Variants in PAK1 observed in about 807,000 individuals in gnomAD.
The protein encoded by PAK1 is p21 (RAC1) activated kinase 1, also known as serine/threonine-protein kinase PAK 1.
PAK1 carries 29 observed loss-of-function variants against 67.4 expected under a neutral mutation model. The ratio of observed to expected loss-of-function variants is 0.43; its 90% confidence interval spans 0.32 to 0.59. The LOEUF is 0.59. PAK1 is among the 20% of genes least tolerant of loss of function. The probability of loss-of-function intolerance (pLI) is 0.07; values close to 1 mark genes in which losing one functional copy is unlikely to be tolerated. For synonymous variants in PAK1, 223 were observed against 237.4 expected, an observed-to-expected ratio of 0.94 and a Z score of 0.56; for missense variants, 337 against 670.7, an observed-to-expected ratio of 0.50 and a Z score of 5.50.
At chr11:77,483,476 T>C in the PAK1 span, among the ~76,000 whole-genome samples, 1 of 152,228 alleles carries the variant, frequency 6.6e-6, no homozygotes, top group Non-Finnish European at 1.5e-5. Context: ...AATGATTCCA[T>C]TTACATGAAA....
the PAK1 span, among the ~76,000 whole-genome samples, chr11:77,513,804 G>A: frequency 6.6e-6 from 1 of 151,764 alleles, no homozygotes; most frequent in Non-Finnish European, 1.5e-5. Context: ...TTGAAGGAAG[G>A]CCTGCCTGCT....
In PAK1 at chr11:77,353,500, G is replaced by A. The variant is rs756582566; in HGVS notation, c.836+36C>T. The stretch of plus-strand genomic sequence containing the variant: ...TATATGCCGGCACACACACTTTAAA[G>A]TCATTTCTCCAGGGAAAGAAAATGC... On this transcript the variant is annotated intron_variant, in intron 8 of 14. Transcript: ENST00000356341. 31 of 1,470,864 alleles carry A rather than the reference G, an allele frequency of 2.1e-5. 1 individual carries two copies. Among genetic ancestry groups the A allele is most frequent in the South Asian group, 1.8e-4 (16 of 87,522 alleles). The allele number at this position is 1,470,864 out of a possible 1,614,324, so 91.1% of individuals were successfully genotyped here. A position where few individuals can be genotyped will look rare whatever the true frequency, so the allele number is the denominator to read the frequency against.
the PAK1 span, among the ~76,000 whole-genome samples, chr11:77,520,810 G>GT: frequency 6.6e-6 from 1 of 152,120 alleles, no homozygotes; most frequent in Non-Finnish European, 1.5e-5. Context: ...GGCATCCCTG[G>GT]TTTCTTTCTC....
chr11:77,326,705 C>T (rs144917141), intron 14 of PAK1, among the ~76,000 whole-genome samples: 1 of 152,102 alleles, frequency 6.6e-6, no homozygotes, highest in East Asian at 1.9e-4. Flanking sequence ...AGCAGAAAAA[C>T]TGGAAACTCT....
chr11:77,389,887 A>G (rs907758280), intron 2 of PAK1, among the ~76,000 whole-genome samples: 9 of 152,200 alleles, frequency 5.9e-5, no homozygotes, highest in African/African-American at 2.2e-4. Flanking sequence ...GAATCTTATT[A>G]CCTTTCTAGT....
At chr11:77,516,992 TG>T in the PAK1 span, among the ~76,000 whole-genome samples, 1 of 151,608 alleles carries the variant, frequency 6.6e-6, no homozygotes, top group Non-Finnish European at 1.5e-5. Context: ...GGTGACAGAG[TG>T]AGACCCTGTC....
intron 1 of PAK1, among the ~76,000 whole-genome samples, chr11:77,403,978 G>A (rs1302857568): frequency 6.6e-6 from 1 of 152,100 alleles, no homozygotes; most frequent in Non-Finnish European, 1.5e-5. Context: ...TCAAAAGGAT[G>A]AGTTCACCCC....
At chr11:77,327,447 T>C (rs955892460) in intron 14 of PAK1, among the ~76,000 whole-genome samples, 1 of 152,136 alleles carries the variant, frequency 6.6e-6, no homozygotes, top group Non-Finnish European at 1.5e-5. Flanking sequence ...CAGCAGAAAC[T>C]CTACAAGCCA....
chr11:77,346,250 G>T (rs1944401367), intron 9 of PAK1, among the ~76,000 whole-genome samples: 2 of 152,212 alleles, frequency 1.3e-5, no homozygotes, highest in South Asian at 4.1e-4. Context: ...GGGATTACAG[G>T]CATGAGCAAC....
chr11:77,414,512 G>T (rs1341067187), intron 1 of PAK1, among the ~76,000 whole-genome samples: 1 of 152,192 alleles, frequency 6.6e-6, no homozygotes, highest in Non-Finnish European at 1.5e-5. Flanking sequence ...TTGCTATAAA[G>T]CTACAGTGAT....
At position 77,338,023 on chromosome 11, in the gene PAK1, C is replaced by T. The variant is rs896990654; in HGVS notation, c.1117-600G>A. On this transcript the variant is annotated intron_variant, in intron 11 of 14. Transcript: ENST00000356341. ...TTTAAGTTATAAAAATGGTTGAACC[C>T]GGCAAAGGGTAAAGGAGAAAGAGAA... 3.9e-5 allele frequency among the ~76,000 whole-genome samples: 6 copies of T among 152,060 alleles called. No homozygotes were observed. In the South Asian group the frequency reaches 6.2e-4, roughly 16 times the overall value.
intron 6 of PAK1, among the ~76,000 whole-genome samples, chr11:77,357,901 A>T (rs1946252722): frequency 6.6e-6 from 1 of 152,098 alleles, no homozygotes. Context: ...TGGGGAAAAA[A>T]ATGTTTTAAA....
At chr11:77,366,506 A>C (rs1947605031) in intron 5 of PAK1, among the ~76,000 whole-genome samples, 1 of 152,226 alleles carries the variant, frequency 6.6e-6, no homozygotes, top group Admixed American at 6.5e-5. Flanking sequence ...GGGAATGAAA[A>C]TATACTGGGG....
chr11:77,490,295 C>CTCCCCCCCGG, the PAK1 span, among the ~76,000 whole-genome samples: 1 of 147,924 alleles, frequency 6.8e-6, no homozygotes, highest in African/African-American at 2.6e-5. Flanking sequence ...GGTCAGCCCC[C>CTCCCCCCCGG]CCACCCGGCC....
At chr11:77,372,841 T>A (rs1231141291) in intron 5 of PAK1, among the ~76,000 whole-genome samples, 5 of 152,234 alleles carry the variant, frequency 3.3e-5, no homozygotes, top group Non-Finnish European at 7.3e-5. Flanking sequence ...CTGCTCTAGA[T>A]AACTAACTCA....
intron 1 of PAK1, among the ~76,000 whole-genome samples, chr11:77,451,597 GT>G (rs149904004): frequency 1.4e-5 from 2 of 148,128 alleles, no homozygotes; most frequent in South Asian, 4.3e-4. Context: ...AATGTCTTTT[GT>G]TTTTTTTTGT....
chr11:77,362,844 G>A (rs116158132), intron 5 of PAK1, among the ~76,000 whole-genome samples: 1,723 of 152,308 alleles, frequency 0.011, 33 homozygotes, highest in African/African-American at 0.039. Context: ...TTGAAAAAGT[G>A]GAGATAATGG....
intron 5 of PAK1, among the ~76,000 whole-genome samples, chr11:77,370,325 T>C (rs1235613043): frequency 6.6e-6 from 1 of 152,222 alleles, no homozygotes; most frequent in Non-Finnish European, 1.5e-5. Flanking sequence ...TCTGTTTCTC[T>C]CTGAGGCCCC....
intron 4 of PAK1, among the ~76,000 whole-genome samples, chr11:77,374,738 C>T (rs1261985174): frequency 1.3e-5 from 2 of 152,138 alleles, no homozygotes; most frequent in East Asian, 3.8e-4. Context: ...CTGCTACATA[C>T]CTGGGCTATA....
Sources: allele counts gnomAD v4.1 joint callset (sites outside exome capture counted in the v4.1 genomes callset), GRCh38; gene constraint gnomAD v4.1.1; transcripts MANE v1.5; gene names NCBI Gene and HGNC (gene_info 2026-07-23, HGNC 2026-07-21).